The following TRIM44 variants were observed in gnomAD, a reference collection of about 807,000 sequenced individuals.
The protein encoded by TRIM44 is tripartite motif containing 44, also known as tripartite motif-containing protein 44.
A neutral mutation model predicts 37.4 loss-of-function variants in TRIM44; 13 were observed. The observed-to-expected ratio is 0.35, with a 90% CI of 0.23 to 0.55. The LOEUF (loss-of-function observed/expected upper bound fraction) is 0.55. Ranked by LOEUF, TRIM44 falls within the 20% of genes least tolerant of loss-of-function variation. TRIM44 has a pLI of 0.89. For missense variants in TRIM44, 426 were observed against 437.2 expected (o/e 0.97, Z 0.23); for synonymous variants, 175 against 157.2 (o/e 1.11, Z -0.85).
intron 2 of TRIM44, among the ~76,000 whole-genome samples, chr11:35,725,567 C>T (rs1852164267): frequency 1.3e-5 from 2 of 152,062 alleles, no homozygotes; most frequent in Non-Finnish European, 2.9e-5. Context: ...AACTCCTGAC[C>T]TCAAGTGATC....
intron 4 of TRIM44, among the ~76,000 whole-genome samples, chr11:35,802,091 T>G (rs1460570153): frequency 6.6e-6 from 1 of 152,194 alleles, no homozygotes; most frequent in Non-Finnish European, 1.5e-5. Flanking sequence ...ATAATCTAAT[T>G]GGCAAAGCCA....
intron 4 of TRIM44, among the ~76,000 whole-genome samples, chr11:35,759,442 C>T (rs1179359476): frequency 6.6e-6 from 1 of 152,082 alleles, no homozygotes; most frequent in Non-Finnish European, 1.5e-5. Flanking sequence ...GCCTTGGGTT[C>T]GAACTTCTTC....
chr11:35,794,926 A>G (rs941440346), intron 4 of TRIM44, among the ~76,000 whole-genome samples: 5 of 152,268 alleles, frequency 3.3e-5, no homozygotes, highest in South Asian at 2.1e-4. Flanking sequence ...GATCAGTGCT[A>G]TGAAGACAAT....
chr11:35,750,458 T>C (rs186559279), intron 4 of TRIM44, among the ~76,000 whole-genome samples: 1 of 152,326 alleles, frequency 6.6e-6, no homozygotes, highest in East Asian at 1.9e-4. Context: ...TAGGGTTCCA[T>C]GGTCCAGTAA....
chr11:35,785,384 C>G (rs1474220208), intron 4 of TRIM44, among the ~76,000 whole-genome samples: 4 of 152,206 alleles, frequency 2.6e-5, no homozygotes, highest in Admixed American at 2.6e-4. Context: ...AACCTAGAAG[C>G]CTTTTTGAAA....
chr11:35,756,221 A>C (rs1246591395), intron 4 of TRIM44, among the ~76,000 whole-genome samples: 1 of 150,960 alleles, frequency 6.6e-6, no homozygotes, highest in East Asian at 1.9e-4. Context: ...GGTCCTTCAC[A>C]TCCCTTGTAA....
chr11:35,671,312 A>G (rs1047472005), intron 1 of TRIM44, among the ~76,000 whole-genome samples: 16 of 152,322 alleles, frequency 1.1e-4, no homozygotes, highest in Non-Finnish European at 1.9e-4. Flanking sequence ...TAGGCAAGTT[A>G]TGTTATAGTT....
rs1022663823 is a variant in TRIM44, at chr11:35,815,435, T to C, written c.*9050T>C. 6.6e-6 allele frequency: 1 copy of C among 152,128 alleles called. No individual in the cohort carries two copies. Among genetic ancestry groups the C allele is most frequent in the Non-Finnish European group, 1.5e-5 (1 of 68,024 alleles). The allele number at this position is 152,128 out of a possible 1,614,324, so 9.4% of individuals were successfully genotyped here. A position where few individuals can be genotyped will look rare whatever the true frequency, so the allele number is the denominator to read the frequency against. On this transcript the variant is annotated 3_prime_UTR_variant, in exon 5 of 5. Coordinates refer to ENST00000299413, the MANE Select transcript of TRIM44 (RefSeq NM_017583.6). ...GGTGATAGTAGGGCAATAGGGAGTG[T>C]CAGTAGGGTAGTTTCAGGTGGGGAG...
chr11:35,767,183 G>A (rs1338925249), intron 4 of TRIM44, among the ~76,000 whole-genome samples: 2 of 152,092 alleles, frequency 1.3e-5, no homozygotes, highest in Non-Finnish European at 2.9e-5. Flanking sequence ...GCATGATAGA[G>A]GACCTTTCAT....
intron 1 of TRIM44, among the ~76,000 whole-genome samples, chr11:35,682,998 A>C: frequency 6.6e-6 from 1 of 152,308 alleles, no homozygotes; most frequent in East Asian, 1.9e-4. Context: ...ATGTGGGGGA[A>C]GAGAGCTTTC....
intron 4 of TRIM44, among the ~76,000 whole-genome samples, chr11:35,774,350 T>G (rs1852920596): frequency 1.3e-5 from 2 of 152,246 alleles, no homozygotes; most frequent in African/African-American, 4.8e-5. Context: ...TTAACTTCTT[T>G]GTAGATTCTA....
In TRIM44 at chr11:35,786,527, G is replaced by T. The variant is rs1039472813; in HGVS notation, c.1008-19831G>T. On this transcript the variant is annotated intron_variant, in intron 4 of 4. Coordinates refer to ENST00000299413, the MANE Select transcript of TRIM44 (RefSeq NM_017583.6). ...AGTAACAGCTACTGAGGCCTGGCAA[G>T]ATTCACAGTCCCACCCAGCCTTCTT... Among the ~76,000 whole-genome samples the T allele has an allele frequency of 3.9e-5, 6 of 152,158 alleles. No homozygotes were observed. The East Asian group carries it at 9.6e-4, about 24-fold the overall frequency.
At chr11:35,724,464 T>A (rs963419298) in intron 2 of TRIM44, 3 of 152,226 alleles carry the variant, frequency 2.0e-5, no homozygotes, top group African/African-American at 4.8e-5. Context: ...TCCATTGGCT[T>A]TTCTTCTGCC....
At position 35,727,721 on chromosome 11, in the gene TRIM44, A is replaced by T. The variant is rs1852197678; in HGVS notation, c.987+1558A>T. ...ACTGCAGAGATACTGACCCAATATC[A>T]TTTAGTCAGTAGAAAATAGAGCCAG... is the stretch of plus-strand genomic sequence containing the variant. On this transcript the variant is annotated intron_variant, in intron 3 of 4. Transcript: ENST00000299413. Among the ~76,000 whole-genome samples, 5 of 152,332 alleles carry T rather than the reference A, an allele frequency of 3.3e-5. No homozygotes were observed. The South Asian group carries it at 1.0e-3, about 32-fold the overall frequency.
intron 4 of TRIM44, among the ~76,000 whole-genome samples, chr11:35,752,949 G>C (rs1852577122): frequency 6.6e-6 from 1 of 152,214 alleles, no homozygotes; most frequent in African/African-American, 2.4e-5. Context: ...GAACATAAAT[G>C]TAATAAGGGT....
At chr11:35,754,518 ATTATAC>A (rs1430456622) in intron 4 of TRIM44, among the ~76,000 whole-genome samples, 1 of 151,482 alleles carries the variant, frequency 6.6e-6, no homozygotes, top group East Asian at 1.9e-4. Context: ...TATTTTTTTT[ATTATAC>A]TTTAAGTTTT....
intron 2 of TRIM44, among the ~76,000 whole-genome samples, chr11:35,707,298 T>A (rs1851899265): frequency 6.6e-6 from 1 of 152,210 alleles, no homozygotes; most frequent in Non-Finnish European, 1.5e-5. Context: ...TCCATGCTCA[T>A]GGGTAGGAAG....
chr11:35,765,790 G>T lies in TRIM44; in HGVS notation c.1007+30345G>T, dbSNP rs143352951. ...ATTCATTCTCTCCTGCTCTTTCTGT[G>T]CAATCTGATAGAACAAAATTTAGTT... On this transcript the variant is annotated intron_variant, in intron 4 of 4. Transcript: ENST00000299413. 1.8e-3 allele frequency among the ~76,000 whole-genome samples: 279 copies of T among 152,254 alleles called. 1 individual carries two copies. The highest frequency in any genetic ancestry group is 6.4e-3 in the African/African-American group (267 of 41,542).
At chr11:35,691,188 A>G (rs1851632603) in intron 2 of TRIM44, among the ~76,000 whole-genome samples, 1 of 152,240 alleles carries the variant, frequency 6.6e-6, no homozygotes, top group Non-Finnish European at 1.5e-5. Context: ...AAGTGCTTCC[A>G]CAGTTTGACC....
Sources: gnomAD v4.1 joint callset for allele counts (sites outside exome capture counted in the v4.1 genomes callset) on GRCh38, gnomAD v4.1.1 for gene constraint, MANE v1.5 for transcripts, NCBI Gene and HGNC (gene_info 2026-07-23, HGNC 2026-07-21) for gene names.